CEP112: variants seen among roughly 807,000 people sequenced by gnomAD.
The protein encoded by CEP112 is centrosomal protein of 112 kDa.
Under a neutral mutation model 153.0 loss-of-function variants are expected in CEP112, and 127 were observed. The ratio of observed to expected loss-of-function variants is 0.83; its 90% confidence interval spans 0.72 to 0.96. The LOEUF (loss-of-function observed/expected upper bound fraction) is 0.96. Among genes scored for constraint, CEP112 ranks in the 40% least tolerant of loss-of-function variants. The pLI, the probability that CEP112 is intolerant of heterozygous loss-of-function variation, is 0.00. For synonymous variants in CEP112, 358 were observed against 374.4 expected (o/e 0.96, Z 0.51); for missense variants, 1,089 against 1,101.2 (o/e 0.99, Z 0.16).
intron 18 of CEP112, among the ~76,000 whole-genome samples, chr17:65,961,025 A>C (rs1372997500): frequency 2.0e-5 from 3 of 150,492 alleles, no homozygotes; most frequent in Non-Finnish European, 4.4e-5. Flanking sequence ...AAAAAAAACT[A>C]CCCATCTTAT....
intron 6 of CEP112, among the ~76,000 whole-genome samples, chr17:66,109,470 A>T (rs577535952): frequency 9.3e-5 from 14 of 150,090 alleles, no homozygotes; most frequent in African/African-American, 3.4e-4. Context: ...GTATAATAAT[A>T]AAAAAAAAAT....
At chr17:66,022,058 C>T (rs1229019488) in intron 16 of CEP112, among the ~76,000 whole-genome samples, 1 of 152,124 alleles carries the variant, frequency 6.6e-6, no homozygotes, top group African/African-American at 2.4e-5. Context: ...ATCATCAATG[C>T]CACTGTGGCT....
chr17:66,041,927 C>T (rs1478107933), intron 12 of CEP112, among the ~76,000 whole-genome samples: 3 of 152,166 alleles, frequency 2.0e-5, no homozygotes, highest in African/African-American at 2.4e-5. Context: ...GGCTGCCAAA[C>T]GGTAACTTCC....
intron 21 of CEP112, among the ~76,000 whole-genome samples, chr17:65,841,922 A>ACACACC (rs1217752579): frequency 6.6e-6 from 1 of 151,770 alleles, no homozygotes; most frequent in African/African-American, 2.4e-5. Flanking sequence ...ACACACACAC[A>ACACACC]CACGAGACTT....
intron 12 of CEP112, among the ~76,000 whole-genome samples, chr17:66,037,759 A>G (rs2065798703): frequency 6.6e-6 from 1 of 152,160 alleles, no homozygotes; most frequent in Non-Finnish European, 1.5e-5. Context: ...TACTCACCAT[A>G]TTCCATCAGG....
intron 21 of CEP112, among the ~76,000 whole-genome samples, chr17:65,757,726 C>T (rs964297972): frequency 6.6e-6 from 1 of 152,128 alleles, no homozygotes; most frequent in Non-Finnish European, 1.5e-5. Flanking sequence ...AATTCCTGAA[C>T]CCCTCTTATA....
intron 6 of CEP112, among the ~76,000 whole-genome samples, chr17:66,106,080 TAAA>T (rs2068770411): frequency 6.6e-6 from 1 of 151,078 alleles, no homozygotes; most frequent in African/African-American, 2.4e-5. Context: ...AAGAAGGAAA[TAAA>T]GAAGGAAAAT....
At chr17:66,136,628 G>T (rs989138469) in intron 4 of CEP112, among the ~76,000 whole-genome samples, 1 of 152,172 alleles carries the variant, frequency 6.6e-6, no homozygotes, top group South Asian at 2.1e-4. Flanking sequence ...CTGGTGGGAC[G>T]CAGCATAAAC....
intron 19 of CEP112, among the ~76,000 whole-genome samples, chr17:65,919,031 C>T (rs1344472336): frequency 3.9e-5 from 6 of 152,240 alleles, no homozygotes; most frequent in Admixed American, 6.5e-5. Context: ...AGGATTAGAC[C>T]GGATAAGTGC....
chr17:65,750,552 A>C, intron 22 of CEP112, 110 bp downstream of exon 22: 2 of 854,050 alleles, frequency 2.3e-6, no homozygotes, highest in Non-Finnish European at 3.8e-6. Context: ...CCATTCCACA[A>C]AAAAAAACTG....
intron 18 of CEP112, among the ~76,000 whole-genome samples, chr17:65,937,502 A>G (rs1428501949): frequency 7.5e-6 from 1 of 133,128 alleles, no homozygotes; most frequent in Non-Finnish European, 1.6e-5. Context: ...TCTGCCTGGC[A>G]ACCGCCCCGT....
intron 24 of CEP112, among the ~76,000 whole-genome samples, chr17:65,679,622 T>A (rs1460924673): frequency 2.6e-5 from 4 of 152,210 alleles, no homozygotes; most frequent in African/African-American, 9.6e-5. Context: ...TTAACAATTG[T>A]CACAATTATT....
intron 12 of CEP112, among the ~76,000 whole-genome samples, chr17:66,052,680 G>T (rs892363685): frequency 1.3e-5 from 2 of 152,046 alleles, no homozygotes; most frequent in Non-Finnish European, 2.9e-5. Flanking sequence ...GAGTTAATAT[G>T]ATCTATTAAG....
At chr17:66,134,511 T>C (rs767386850) in intron 4 of CEP112, among the ~76,000 whole-genome samples, 3 of 152,164 alleles carry the variant, frequency 2.0e-5, no homozygotes, top group Non-Finnish European at 2.9e-5. Context: ...TTAGAGATAG[T>C]AGTTTAAAGA....
chr17:65,851,774 G>T, intron 21 of CEP112, 30 bp downstream of exon 21: 1 of 1,498,970 alleles, frequency 6.7e-7, no homozygotes, highest in Non-Finnish European at 9.2e-7. Flanking sequence ...GATTTCAACT[G>T]CCTATTAAAA....
chr17:65,807,422 T>A (rs1018150063), intron 21 of CEP112, among the ~76,000 whole-genome samples: 1 of 152,026 alleles, frequency 6.6e-6, no homozygotes, highest in Non-Finnish European at 1.5e-5. Flanking sequence ...GGGGAGAGAT[T>A]TAAGTAGGTT....
intron 21 of CEP112, among the ~76,000 whole-genome samples, chr17:65,755,926 A>T (rs1011091932): frequency 6.6e-6 from 1 of 152,178 alleles, no homozygotes; most frequent in Non-Finnish European, 1.5e-5. Flanking sequence ...TTCAGAAGTC[A>T]TCAGTTTATA....
At chr17:66,119,597 T>C (rs2069476220) in intron 6 of CEP112, among the ~76,000 whole-genome samples, 1 of 152,212 alleles carries the variant, frequency 6.6e-6, no homozygotes, top group Non-Finnish European at 1.5e-5. Flanking sequence ...ATTGTATAGA[T>C]GTACATATAA....
chr17:65,970,710 A>G (rs1157435051), intron 17 of CEP112, among the ~76,000 whole-genome samples: 1 of 103,930 alleles, frequency 9.6e-6, no homozygotes, highest in African/African-American at 3.3e-5. Flanking sequence ...ATGCATACAC[A>G]TGACATGTGC....
Sources: gnomAD v4.1 joint callset for allele counts (sites outside exome capture counted in the v4.1 genomes callset) on GRCh38, gnomAD v4.1.1 for gene constraint, MANE v1.5 for transcripts, NCBI Gene and HGNC (gene_info 2026-07-23, HGNC 2026-07-21) for gene names.